The following HPN variants were observed in gnomAD, a reference collection of about 807,000 sequenced individuals.
HPN encodes the protein hepsin.
Under a neutral mutation model 55.9 loss-of-function variants are expected in HPN, and 13 were observed. That is an observed-to-expected ratio of 0.23 (90% CI 0.15 to 0.37). HPN has a LOEUF of 0.37. Ranked by LOEUF, HPN falls within the 10% of genes least tolerant of loss-of-function variation. HPN has a pLI of 1.00. For missense variants in HPN, 451 were observed against 575.8 expected, an observed-to-expected ratio of 0.78 and a Z score of 2.22; for synonymous variants, 225 against 240.3, an observed-to-expected ratio of 0.94 and a Z score of 0.59.
Position 35,041,847 on chromosome 19 carries a change from T to C in HPN, c.-80T>C, listed in dbSNP as rs1162079945. ...CCCGACCCCGGCACTACCTCGAGGC[T>C]CCGCCCCCACCTGCTGGACCCCAGG... is the stretch of plus-strand genomic sequence containing the variant. On this transcript the variant is annotated 5_prime_UTR_variant, in exon 1 of 13. Coordinates refer to ENST00000672452, the MANE Select transcript of HPN (RefSeq NM_001384133.1). 5.2e-6 allele frequency: 7 copies of C among 1,342,638 alleles called. No homozygotes were observed. Among genetic ancestry groups the C allele is most frequent in the East Asian group, 9.5e-5 (2 of 21,114 alleles). The allele number at this position is 1,342,638 out of a possible 1,614,324, so 83.2% of individuals were successfully genotyped here.
At chr19:35,044,212 G>A (rs180987154) in intron 2 of HPN, among the ~76,000 whole-genome samples, 2 of 152,346 alleles carry the variant, frequency 1.3e-5, no homozygotes, top group Admixed American at 1.3e-4. Flanking sequence ...GAGAGCCGTT[G>A]TGGCTGCAGC....
At position 35,043,483 on chromosome 19, in the gene HPN, C is replaced by T. The variant is rs796879052; in HGVS notation, c.16+961C>T. ...TAGCTGTGTGGCCCTGGGCAGACGGCGTGTTCTCCCTGGGCCTCCATTCTC... is the reference window on the plus strand; with the variant it reads ...TAGCTGTGTGGCCCTGGGCAGACGGTGTGTTCTCCCTGGGCCTCCATTCTC... On this transcript the variant is annotated intron_variant, in intron 2 of 12. Coordinates refer to ENST00000672452, the MANE Select transcript of HPN (RefSeq NM_001384133.1). 2.4e-4 allele frequency among the ~76,000 whole-genome samples: 37 copies of T among 152,316 alleles called. 1 individual carries two copies. Among genetic ancestry groups the T allele is most frequent in the African/African-American group, 7.7e-4 (32 of 41,562 alleles).
At chr19:35,049,857 G>T (rs953433690) in intron 4 of HPN, among the ~76,000 whole-genome samples, 1,087 of 82,630 alleles carry the variant, frequency 0.013, 18 homozygotes, top group African/African-American at 0.045. Flanking sequence ...GCTAATTTTT[G>T]TTTGTTTTTT....
intron 4 of HPN, among the ~76,000 whole-genome samples, chr19:35,057,465 G>A (rs1044034637): frequency 2.6e-5 from 4 of 150,946 alleles, no homozygotes; most frequent in African/African-American, 4.9e-5. Flanking sequence ...AATGAATTCC[G>A]ATATTAAAAA....
chr19:35,041,177 C>T (rs1388093568), upstream of HPN, among the ~76,000 whole-genome samples: 1 of 152,232 alleles, frequency 6.6e-6, no homozygotes, highest in Non-Finnish European at 1.5e-5. Context: ...TTTCTGGCTC[C>T]AGAGGTCACC....
chr19:35,046,117 G>A (rs887994538), intron 2 of HPN, among the ~76,000 whole-genome samples: 2 of 152,208 alleles, frequency 1.3e-5, no homozygotes, highest in Non-Finnish European at 2.9e-5. Flanking sequence ...GAGTTGGGGG[G>A]CAGGCCTGAG....
rs2064611256 is a variant in HPN at position 35,066,484 on chromosome 19, C to T, written c.*197C>T. On this transcript the variant is annotated 3_prime_UTR_variant, in exon 13 of 13. Coordinates refer to ENST00000672452, the MANE Select transcript of HPN (RefSeq NM_001384133.1). Reference sequence around the variant, plus strand: ...CACCCAACCTCACCCTCCTGACCCCCATGTAAATATTGTTCTGCTGTCTGG... The same window carrying T: ...CACCCAACCTCACCCTCCTGACCCCTATGTAAATATTGTTCTGCTGTCTGG... 1.6e-6 allele frequency: 1 copy of T among 641,232 alleles called. No homozygotes were observed. The highest frequency in any genetic ancestry group is 2.0e-5 in the South Asian group (1 of 49,196). The allele number at this position is 641,232 out of a possible 1,614,324, so 39.7% of individuals were successfully genotyped here. A position where few individuals can be genotyped will look rare whatever the true frequency, so the allele number is the denominator to read the frequency against.
At chr19:35,060,958 G>C in intron 9 of HPN, 141 bp downstream of exon 9, 1 of 739,604 alleles carries the variant, frequency 1.4e-6, no homozygotes, top group Non-Finnish European at 2.1e-6. Context: ...GCACAAAGTG[G>C]GCCTTAACTA....
rs1052542450 is a variant in HPN, at chr19:35,059,890, G to A, written c.307G>A (p.Glu103Lys). ...CCCGCCCAGGGCACTGACCCACTCC[G>A]AGCTGGACGTGCGAACGGCGGGCGC... Reference protein sequence around the residue: ...MGFLRALTHSELDVRTAGANG... With the variant: ...MGFLRALTHSKLDVRTAGANG... The change falls in exon 6 of 13, where the codon GAG becomes AAG. Residue 103 changes from glutamate (E) to lysine (K), a missense_variant. Physicochemically the swap from Glu to Lys is moderately conservative, Grantham distance 56 (BLOSUM62 1). Around this residue, in one of 2 missense-constraint regions of HPN, gnomAD observed 378 missense variants for 445.5 expected, o/e 0.85. Transcript: ENST00000672452. 6 of 1,506,766 alleles carry A rather than the reference G, an allele frequency of 4.0e-6. No individual in the cohort carries two copies. Among genetic ancestry groups the A allele is most frequent in the Non-Finnish European group, 5.3e-6 (6 of 1,127,938 alleles). The allele number at this position is 1,506,766 out of a possible 1,614,324, so 93.3% of individuals were successfully genotyped here.
chr19:35,042,399 A>ATTGGG, intron 1 of HPN, 54 bp from the exon 2 acceptor site: 1 of 1,509,022 alleles, frequency 6.6e-7, no homozygotes, highest in African/African-American at 1.4e-5. Context: ...GGGCGCCAGG[A>ATTGGG]CTGGGCTGGG....
chr19:35,063,233 G>A (rs1173234548), intron 9 of HPN, among the ~76,000 whole-genome samples: 2 of 152,228 alleles, frequency 1.3e-5, no homozygotes, highest in African/African-American at 4.8e-5. Context: ...GCTGGTGAAC[G>A]GCAAAGATTT....
At chr19:35,050,461 A>C in intron 4 of HPN, 1 of 1,274,458 alleles carries the variant, frequency 7.8e-7, no homozygotes, top group Non-Finnish European at 1.0e-6. Flanking sequence ...CAAAATGAGG[A>C]CCAGAGAGGA....
At chr19:35,065,757 G>T in intron 11 of HPN, 76 bp downstream of exon 11, 1 of 1,597,604 alleles carries the variant, frequency 6.3e-7, no homozygotes, top group Admixed American at 1.7e-5. Flanking sequence ...GGGTGGTCAG[G>T]CTCCCCATCT....
At chr19:35,059,837 G>A (rs1304640849) in intron 5 of HPN, 35 bp downstream of exon 5, 1 of 1,526,104 alleles carries the variant, frequency 6.6e-7, no homozygotes. Flanking sequence ...GGAGCCGGGA[G>A]GGGCTGGGGA....
rs2064519712 is a variant in HPN, at chr19:35,060,635, G to A, written c.629G>A (p.Arg210Gln). 6.8e-6 allele frequency: 11 copies of A among 1,613,788 alleles called. No homozygotes were observed. The highest frequency in any genetic ancestry group is 1.7e-5 in the Admixed American group (1 of 60,010). Residue 210 changes from arginine to glutamine, a missense_variant, in exon 9 of 13, where the codon CGG becomes CAG. Transcript: ENST00000672452. The stretch of plus-strand genomic sequence containing the variant: ...ACCCCTTTCCCTGGTAGGCGGAACC[G>A]GGTCCTGTCCCGATGGCGAGTGTTT... The part of the protein sequence containing the change: ...TAAHCFPERN[R>Q]VLSRWRVFAG...
In HPN at chr19:35,066,243, C is replaced by T; in HGVS notation, c.1216-6C>T. ...ACCTCGGGAGCCCCCAGCTGTCTTT[C>T]CCCAGACTCACTCCGAAGCCAGCGG... On this transcript the variant is annotated splice_polypyrimidine_tract_variant and splice_region_variant and intron_variant, in intron 12 of 12. Coordinates refer to ENST00000672452, the MANE Select transcript of HPN (RefSeq NM_001384133.1). The T allele has an allele frequency of 6.2e-7, 1 of 1,613,960 alleles. No individual in the cohort carries two copies. The highest frequency in any genetic ancestry group is 2.2e-5 in the East Asian group (1 of 44,874).
intron 2 of HPN, among the ~76,000 whole-genome samples, chr19:35,043,696 C>A (rs1182775233): frequency 1.3e-5 from 2 of 152,216 alleles, no homozygotes; most frequent in African/African-American, 4.8e-5. Context: ...CAGAGGGAAC[C>A]CAGGCTCCCA....
chr19:35,063,918 G>C (rs1258854807), intron 9 of HPN, among the ~76,000 whole-genome samples: 1 of 152,178 alleles, frequency 6.6e-6, no homozygotes, highest in African/African-American at 2.4e-5. Context: ...ACAATTAAAA[G>C]GGTTAATATG....
intron 9 of HPN, among the ~76,000 whole-genome samples, chr19:35,062,018 AC>A (rs1268312619): frequency 6.6e-6 from 1 of 151,862 alleles, no homozygotes; most frequent in Non-Finnish European, 1.5e-5. Context: ...GGATTGTGCC[AC>A]TGTACTCCAG....
Sources: allele counts gnomAD v4.1 joint callset (sites outside exome capture counted in the v4.1 genomes callset), GRCh38; gene constraint gnomAD v4.1.1; regional missense constraint gnomAD v4.1.1; transcripts MANE v1.5; gene names NCBI Gene and HGNC (gene_info 2026-07-23, HGNC 2026-07-21).